The following MGAT4C variants were observed in gnomAD, a reference collection of about 807,000 sequenced individuals.
MGAT4C encodes the protein MGAT4 family member C.
In MGAT4C, 19 loss-of-function variants were observed where a neutral mutation model predicts 40.1. The observed-to-expected ratio is 0.47, with a 90% CI of 0.33 to 0.70. MGAT4C has a LOEUF of 0.70. Among genes scored for constraint, MGAT4C ranks in the 30% least tolerant of loss-of-function variants. The pLI is 0.02. For synonymous variants in MGAT4C, 181 were observed against 187.1 expected (o/e 0.97, Z 0.27); for missense variants, 491 against 563.2 (o/e 0.87, Z 1.30).
At chr12:86,524,179 C>T (rs749069869) in intron 2 of MGAT4C, among the ~76,000 whole-genome samples, 7 of 152,158 alleles carry the variant, frequency 4.6e-5, no homozygotes, top group South Asian at 2.1e-4. Flanking sequence ...ATTGTTTTAT[C>T]GTGTCACACG....
chr12:86,111,676 C>T, intron 1 of MGAT4C, among the ~76,000 whole-genome samples: 1 of 151,832 alleles, frequency 6.6e-6, no homozygotes, highest in East Asian at 1.9e-4. Context: ...AATTTCAAAC[C>T]TTTCCTAAAA....
intron 1 of MGAT4C, among the ~76,000 whole-genome samples, chr12:86,184,152 A>T (rs2135877250): frequency 6.6e-6 from 1 of 152,268 alleles, no homozygotes; most frequent in African/African-American, 2.4e-5. Context: ...TTAGAAAATG[A>T]TATTCCATTT....
At chr12:86,008,366 T>C (rs957942581) in intron 2 of MGAT4C, among the ~76,000 whole-genome samples, 1 of 152,060 alleles carries the variant, frequency 6.6e-6, no homozygotes, top group Non-Finnish European at 1.5e-5. Context: ...TGCTGACATC[T>C]TTCATGCCTG....
intron 2 of MGAT4C, among the ~76,000 whole-genome samples, chr12:86,513,294 T>A (rs1958624680): frequency 2.0e-5 from 3 of 152,146 alleles, no homozygotes; most frequent in Non-Finnish European, 4.4e-5. Flanking sequence ...ATCCATTCAA[T>A]ACCACATGAC....
At position 86,552,935 on chromosome 12, in the gene MGAT4C, C is replaced by T. The variant is rs556135687; in HGVS notation, c.-228-117670G>A. On this transcript the variant is annotated intron_variant, in intron 2 of 7. Coordinates refer to the MGAT4C transcript ENST00000548651. ...TTGTTATTACTTGTAATGGCAAAACCACAATTACTTTTGCACCAAGCTAAT... is the reference window on the plus strand; with the variant it reads ...TTGTTATTACTTGTAATGGCAAAACTACAATTACTTTTGCACCAAGCTAAT... Among the ~76,000 whole-genome samples, 93 of 152,004 alleles carry T rather than the reference C, an allele frequency of 6.1e-4. 2 individuals are homozygous for T. The South Asian group carries it at 0.019, about 31-fold the overall frequency.
chr12:86,361,409 T>TCA (rs201902607), intron 3 of MGAT4C, among the ~76,000 whole-genome samples: 13,896 of 152,258 alleles, frequency 0.091, 791 homozygotes, highest in Middle Eastern at 0.22. Context: ...GCAATACCAT[T>TCA]CAGGACATAG....
intron 1 of MGAT4C, among the ~76,000 whole-genome samples, chr12:86,175,379 C>A (rs566351641): frequency 9.1e-4 from 139 of 152,230 alleles, no homozygotes; most frequent in African/African-American, 3.2e-3. Flanking sequence ...GCTTTTACAT[C>A]CTAAATTTCT....
At chr12:86,108,192 G>A (rs1592958372) in intron 1 of MGAT4C, among the ~76,000 whole-genome samples, 1 of 152,144 alleles carries the variant, frequency 6.6e-6, no homozygotes, top group South Asian at 2.1e-4. Context: ...TGAGATGGGA[G>A]GTCAGACAAG....
intron 1 of MGAT4C, among the ~76,000 whole-genome samples, chr12:86,827,795 A>G (rs1427179394): frequency 6.6e-6 from 1 of 151,472 alleles, no homozygotes; most frequent in Non-Finnish European, 1.5e-5. Context: ...TTTCAAAGTC[A>G]AATATGTATA....
intron 1 of MGAT4C, among the ~76,000 whole-genome samples, chr12:86,163,200 TC>T (rs869304016): frequency 1.3e-5 from 2 of 151,508 alleles, no homozygotes; most frequent in Non-Finnish European, 2.9e-5. Flanking sequence ...GAAATCATCC[TC>T]CCCCCCTTTT....
At chr12:86,782,163 T>A (rs12813693) in intron 1 of MGAT4C, among the ~76,000 whole-genome samples, 1 of 130,948 alleles carries the variant, frequency 7.6e-6, no homozygotes, top group African/African-American at 2.8e-5. Flanking sequence ...TGGCTAAATG[T>A]TTTTTGTATT....
At chr12:86,094,121 AG>A (rs1383445640) in intron 1 of MGAT4C, among the ~76,000 whole-genome samples, 3 of 152,142 alleles carry the variant, frequency 2.0e-5, no homozygotes, top group Non-Finnish European at 4.4e-5. Context: ...TGTTGATGCA[AG>A]TGAGAGTTCA....
chr12:85,977,584 G>C lies in MGAT4C; in HGVS notation c.*1705C>G, dbSNP rs1446148586. 1 of 151,318 alleles carries C rather than the reference G, an allele frequency of 6.6e-6. No homozygotes were observed. The highest frequency in any genetic ancestry group is 2.4e-5 in the African/African-American group (1 of 41,324). The allele number at this position is 151,318 out of a possible 1,614,324, so 9.4% of individuals were successfully genotyped here. ...CTGAATACAAAGAAAATACACAACA[G>C]CTGTTTATAAATGAAATAAAAAGTT... On this transcript the variant is annotated 3_prime_UTR_variant, in exon 5 of 5. Transcript: ENST00000611864.
At position 85,960,453 on chromosome 12, in the gene MGAT4C, A is replaced by C. The variant is rs562931649; in HGVS notation, c.*18836T>G. ...ATCACACAGATTTGTGGTCTGAATC[A>C]CATGAGAGACATAGATGAAAAATGT... On this transcript the variant is annotated 3_prime_UTR_variant, in exon 5 of 5. Transcript: ENST00000611864. 9.2e-5 allele frequency: 14 copies of C among 152,182 alleles called. No homozygotes were observed. Among genetic ancestry groups the C allele is most frequent in the African/African-American group, 3.4e-4 (14 of 41,566 alleles). 9.4% of individuals were successfully genotyped at this position (152,182 alleles called of 1,614,324 possible). A position where few individuals can be genotyped will look rare whatever the true frequency, so the allele number is the denominator to read the frequency against.
At chr12:86,448,133 T>C (rs1025365409) in intron 2 of MGAT4C, among the ~76,000 whole-genome samples, 1 of 152,152 alleles carries the variant, frequency 6.6e-6, no homozygotes, top group Admixed American at 6.6e-5. Flanking sequence ...TTTCCCTCAA[T>C]CTTTGGATGA....
At position 86,474,856 on chromosome 12, in the gene MGAT4C, A is replaced by G. The variant is rs112796140; in HGVS notation, c.-228-39591T>C. Among the ~76,000 whole-genome samples, 500 of 150,700 alleles carry G rather than the reference A, an allele frequency of 3.3e-3. 1 individual carries two copies. The highest frequency in any genetic ancestry group is 0.012 in the African/African-American group (483 of 41,484). On this transcript the variant is annotated intron_variant, in intron 2 of 7. Transcript: ENST00000548651. ...TTTAAATGCATTAGTTTCTTCCTGC[A>G]TTGTACAAAGCAAATAAATAGGTTC...
At chr12:86,015,350 C>T (rs192224029) in intron 2 of MGAT4C, among the ~76,000 whole-genome samples, 2 of 152,164 alleles carry the variant, frequency 1.3e-5, no homozygotes, top group Admixed American at 6.5e-5. Flanking sequence ...TTTGCTGCCT[C>T]CCGACAAGCT....
chr12:86,438,192 T>G, intron 2 of MGAT4C, among the ~76,000 whole-genome samples: 1 of 151,956 alleles, frequency 6.6e-6, no homozygotes, highest in South Asian at 2.1e-4. Context: ...ACAACTGTAT[T>G]ACAGATATGG....
chr12:86,447,938 T>C (rs1164833965), intron 2 of MGAT4C, among the ~76,000 whole-genome samples: 1 of 152,152 alleles, frequency 6.6e-6, no homozygotes, highest in Non-Finnish European at 1.5e-5. Flanking sequence ...CCTGCCCATT[T>C]TCCTTCAGCA....
Sources: allele counts gnomAD v4.1 joint callset (sites outside exome capture counted in the v4.1 genomes callset), GRCh38; gene constraint gnomAD v4.1.1; transcripts MANE v1.5; gene names NCBI Gene and HGNC (gene_info 2026-07-23, HGNC 2026-07-21).